The following UGT1A7 variants were observed in gnomAD, a reference collection of about 807,000 sequenced individuals.
The protein encoded by UGT1A7 is UDP glucuronosyltransferase family 1 member A7.
In UGT1A7, 33 loss-of-function variants were observed where a neutral mutation model predicts 45.6. That is an observed-to-expected ratio of 0.72 (90% CI 0.55 to 0.97). The LOEUF is 0.97. Among genes scored for constraint, UGT1A7 ranks in the 50% least tolerant of loss-of-function variants. The pLI, the probability that UGT1A7 is intolerant of heterozygous loss-of-function variation, is 0.00. For missense variants in UGT1A7, 684 were observed against 666.2 expected (o/e 1.03, Z -0.29); for synonymous variants, 274 against 250.6 (o/e 1.09, Z -0.88).
At chr2:233,732,276 G>C (rs1167500055) in intron 1 of UGT1A7, among the ~76,000 whole-genome samples, 35 of 152,142 alleles carry the variant, frequency 2.3e-4, no homozygotes, top group Non-Finnish European at 4.6e-4. Context: ...TTTTGCTGTG[G>C]AGAAGCTCTT....
At chr2:233,688,257 A>G (rs2074884788) in intron 1 of UGT1A7, among the ~76,000 whole-genome samples, 1 of 152,228 alleles carries the variant, frequency 6.6e-6, no homozygotes, top group Non-Finnish European at 1.5e-5. Context: ...ATTCCTTTAC[A>G]TGGCCGAATA....
chr2:233,763,862 C>T (rs755965727), intron 1 of UGT1A7, among the ~76,000 whole-genome samples: 8 of 152,072 alleles, frequency 5.3e-5, no homozygotes, highest in South Asian at 2.1e-4. Context: ...CACAGACAAT[C>T]GCAATGCTGG....
chr2:233,767,748 T>A (rs2126034446), intron 2 of UGT1A7, 101 bp from the exon 3 acceptor site: 2 of 1,587,100 alleles, frequency 1.3e-6, no homozygotes, highest in East Asian at 4.5e-5. Context: ...TGTTAAAGAC[T>A]GTTCCTTCAG....
At chr2:233,693,313 A>T (rs370458841) in intron 1 of UGT1A7, 2 of 1,614,218 alleles carry the variant, frequency 1.2e-6, no homozygotes, top group East Asian at 4.5e-5. Flanking sequence ...CTGAGCGATC[A>T]TTCCTAACTG....
chr2:233,718,058 C>A (rs1306003218), intron 1 of UGT1A7: 3 of 356,918 alleles, frequency 8.4e-6, no homozygotes, highest in Admixed American at 3.6e-5. Context: ...CTGAACCCAC[C>A]GTGGGTCCTT....
intron 1 of UGT1A7, among the ~76,000 whole-genome samples, chr2:233,709,100 G>T (rs905561167): frequency 6.6e-6 from 1 of 152,072 alleles, no homozygotes; most frequent in African/African-American, 2.4e-5. Flanking sequence ...GAAGTCACAT[G>T]CCCATCTCTG....
intron 1 of UGT1A7, among the ~76,000 whole-genome samples, chr2:233,734,121 TA>T (rs1021409062): frequency 6.6e-6 from 1 of 151,862 alleles, no homozygotes; most frequent in African/African-American, 2.4e-5. Context: ...ATAATAATAA[TA>T]AAAAGAATTT....
chr2:233,711,739 C>T (rs1321906009), intron 1 of UGT1A7, among the ~76,000 whole-genome samples: 2 of 152,216 alleles, frequency 1.3e-5, no homozygotes, highest in Non-Finnish European at 2.9e-5. Context: ...ATGGCAGACA[C>T]GGCCAGGCAT....
intron 1 of UGT1A7, among the ~76,000 whole-genome samples, chr2:233,765,401 A>G (rs1024843153): frequency 3.9e-5 from 6 of 152,246 alleles, no homozygotes; most frequent in African/African-American, 1.4e-4. Flanking sequence ...TGTGGTACAT[A>G]TACACCATGG....
intron 1 of UGT1A7, among the ~76,000 whole-genome samples, chr2:233,724,344 C>A (rs2077229957): frequency 6.9e-6 from 1 of 144,926 alleles, no homozygotes; most frequent in Non-Finnish European, 1.5e-5. Context: ...GGGCTGACCC[C>A]CCCCACCTCC....
chr2:233,748,156 T>G, intron 1 of UGT1A7: 1 of 1,601,882 alleles, frequency 6.2e-7, no homozygotes, highest in Non-Finnish European at 8.5e-7. Flanking sequence ...TACAATTGCT[T>G]CCATATCTAC....
At chr2:233,748,838 CTG>C (rs774126450) in intron 1 of UGT1A7, among the ~76,000 whole-genome samples, 8 of 151,472 alleles carry the variant, frequency 5.3e-5, no homozygotes, top group African/African-American at 2.0e-4. Flanking sequence ...GGAGATAAAA[CTG>C]TGAGCGTATA....
rs780552187 is a variant in UGT1A7, at chr2:233,682,061, C to T, written c.124C>T (p.Gln42Ter). 10 of 1,613,980 alleles carry T rather than the reference C, an allele frequency of 6.2e-6. No homozygotes were observed. In the African/African-American group the frequency reaches 1.1e-4, roughly 17 times the overall value. ...PMDGSHWFTM[Q>*]SVVEKLILRG... Reference sequence around the variant, plus strand: ...GGATGGGAGCCACTGGTTCACCATGCAGTCGGTGGTGGAGAAACTCATCCT... The same window carrying T: ...GGATGGGAGCCACTGGTTCACCATGTAGTCGGTGGTGGAGAAACTCATCCT... Residue 42 changes from glutamine to a stop codon, truncating the protein, a stop_gained, in exon 1 of 5, where the codon CAG (glutamine) becomes TAG (stop). Coordinates refer to ENST00000373426, the MANE Select transcript of UGT1A7 (RefSeq NM_019077.3). LOFTEE classifies it high-confidence loss of function.
intron 1 of UGT1A7, among the ~76,000 whole-genome samples, chr2:233,757,766 G>A (rs1169168407): frequency 6.6e-6 from 1 of 151,746 alleles, no homozygotes; most frequent in Admixed American, 6.6e-5. Context: ...TGCTCCTTTA[G>A]TAATAAGCCT....
chr2:233,712,420 A>G (rs1330088070), intron 1 of UGT1A7, among the ~76,000 whole-genome samples: 3 of 152,190 alleles, frequency 2.0e-5, no homozygotes, highest in African/African-American at 7.2e-5. Context: ...GCTTTACAAG[A>G]AATATCCTGG....
At chr2:233,730,107 G>C (rs2077985691) in intron 1 of UGT1A7, 1 of 1,570,754 alleles carries the variant, frequency 6.4e-7, no homozygotes. Flanking sequence ...TTTCATTTCT[G>C]CTTCTCCTTG....
At chr2:233,743,983 G>C in intron 1 of UGT1A7, 2 of 1,288,226 alleles carry the variant, frequency 1.6e-6, no homozygotes, top group Middle Eastern at 2.3e-4. Flanking sequence ...GCACCCAGGC[G>C]CAGGCCCGAG....
rs773383083 is a variant in UGT1A7, at chr2:233,761,070, G to A, written c.856-5964G>A. 1.4e-5 allele frequency: 23 copies of A among 1,614,070 alleles called. No individual in the cohort carries two copies. The East Asian group carries it at 4.5e-4, about 31-fold the overall frequency. On this transcript the variant is annotated intron_variant, in intron 1 of 4. Transcript: ENST00000373426. ...TCTGGCTGTTTAGAAGTGACTTTGT[G>A]AAGGATTACCCTAGGCCCATCATGC...
intron 1 of UGT1A7, among the ~76,000 whole-genome samples, chr2:233,759,124 T>C (rs184414791): frequency 7.2e-5 from 11 of 152,358 alleles, no homozygotes; most frequent in Admixed American, 2.6e-4. Flanking sequence ...AGTTACAGCC[T>C]CTGGTACGCA....
Sources: gnomAD v4.1 joint callset for allele counts (sites outside exome capture counted in the v4.1 genomes callset) on GRCh38, gnomAD v4.1.1 for gene constraint, MANE v1.5 for transcripts, NCBI Gene and HGNC (gene_info 2026-07-23, HGNC 2026-07-21) for gene names.